The following CRACR2A variants were observed in gnomAD, a reference collection of about 807,000 sequenced individuals.
The protein encoded by CRACR2A is calcium release activated channel regulator 2A.
A neutral mutation model predicts 90.5 loss-of-function variants in CRACR2A; 79 were observed. The observed-to-expected ratio is 0.87, with a 90% confidence interval of 0.73 to 1.05. The LOEUF (loss-of-function observed/expected upper bound fraction) is 1.05, where lower values mean the gene tolerates loss of function less well. Ranked by LOEUF, CRACR2A falls within the 50% of genes least tolerant of loss-of-function variation. The pLI, the probability that CRACR2A is intolerant of heterozygous loss-of-function variation, is 0.00. For missense variants in CRACR2A, 823 were observed against 897.2 expected (o/e 0.92, Z 1.06); for synonymous variants, 338 against 356.7 (o/e 0.95, Z 0.59).
At chr12:3,669,418 C>T (rs1335070826) in intron 7 of CRACR2A, among the ~76,000 whole-genome samples, 2 of 152,186 alleles carry the variant, frequency 1.3e-5, no homozygotes, top group African/African-American at 2.4e-5. Flanking sequence ...TGAAGACCTC[C>T]GCACATCTGC....
At chr12:3,635,687 G>A (rs925237880) in intron 14 of CRACR2A, among the ~76,000 whole-genome samples, 16 of 152,116 alleles carry the variant, frequency 1.1e-4, no homozygotes, top group South Asian at 4.1e-4. Flanking sequence ...CTTATTTTTT[G>A]TAAAGACTGG....
At position 3,654,355 on chromosome 12, in the gene CRACR2A, G is replaced by A. The variant is rs1168096611; in HGVS notation, c.903C>T (p.Thr301=). The A allele has an allele frequency of 1.2e-6, 2 of 1,613,212 alleles. No homozygotes were observed. The highest frequency in any genetic ancestry group is 8.5e-7 in the Non-Finnish European group (1 of 1,179,790). ...GTTTCAGCTTGGTATTCTCAGCCTT[G>A]GTCTCATGCTTGTCATGATGCAGGG... The part of the protein sequence containing the change: ...CTALHHDKHE[T]KAENTKLKLT... Residue 301 remains threonine, a synonymous_variant, in exon 10 of 20, where the codon ACC becomes ACT. Transcript: ENST00000440314.
chr12:3,679,238 G>A, intron 5 of CRACR2A, 140 bp from the exon 6 acceptor site: 1 of 790,344 alleles, frequency 1.3e-6, no homozygotes, highest in South Asian at 2.1e-5. Context: ...AAAGATCCAT[G>A]GACATGGGTC....
intron 13 of CRACR2A, chr12:3,640,369 T>C: frequency 1.9e-6 from 1 of 534,568 alleles, no homozygotes; most frequent in Non-Finnish European, 2.7e-6. Flanking sequence ...ACCTCACACA[T>C]AGTAGACACT....
chr12:3,720,423 GAAAGAAAGAAAGAAAGA>G (rs1946148949), intron 2 of CRACR2A, among the ~76,000 whole-genome samples: 5 of 78,258 alleles, frequency 6.4e-5, no homozygotes, highest in Non-Finnish European at 1.4e-4. Flanking sequence ...GAGGAAGAAA[GAAAGAAAGAAAGAAAGA>G]AAGAAAGAAA....
chr12:3,646,318 C>A (rs1944687106), intron 11 of CRACR2A, among the ~76,000 whole-genome samples: 1 of 152,156 alleles, frequency 6.6e-6, no homozygotes, highest in South Asian at 2.1e-4. Context: ...ACTCTTCTGG[C>A]CAGTGGCCTC....
Position 3,627,538 on chromosome 12 carries a change from G to A in CRACR2A, c.1830C>T (p.Ile610=). 3 of 1,551,628 alleles carry A rather than the reference G, an allele frequency of 1.9e-6. No homozygotes were observed. The highest frequency in any genetic ancestry group is 2.6e-6 in the Non-Finnish European group (3 of 1,146,990). The change falls in exon 17 of 20, where the codon ATC becomes ATT. Residue 610 remains isoleucine, a synonymous_variant. Transcript: ENST00000440314. ...CTGCCTTTCTGAAGAACTGCTGGGT[G>A]ATGCACCGGTACCTGCCACAGAAGG... ...DTAGQERYRC[I]TQQFFRKADG...
intron 8 of CRACR2A, among the ~76,000 whole-genome samples, chr12:3,657,416 T>C (rs537342806): frequency 3.9e-5 from 6 of 152,326 alleles, no homozygotes; most frequent in African/African-American, 1.4e-4. Flanking sequence ...ACGGGTGTCC[T>C]GGCATGACAG....
intron 1 of CRACR2A, among the ~76,000 whole-genome samples, chr12:3,738,671 A>C (rs1424362004): frequency 6.6e-6 from 1 of 152,230 alleles, no homozygotes; most frequent in African/African-American, 2.4e-5. Flanking sequence ...ATCTGTTTGG[A>C]GTTTCAGAAG....
At chr12:3,692,675 C>A (rs1259357896) in intron 4 of CRACR2A, among the ~76,000 whole-genome samples, 1 of 152,126 alleles carries the variant, frequency 6.6e-6, no homozygotes, top group Non-Finnish European at 1.5e-5. Flanking sequence ...GGGGTGCACA[C>A]TTATTGGCTG....
intron 13 of CRACR2A, chr12:3,640,374 G>T: frequency 1.8e-6 from 1 of 564,250 alleles, no homozygotes; most frequent in Non-Finnish European, 2.5e-6. Flanking sequence ...ACACATAGTA[G>T]ACACTCAATA....
intron 1 of CRACR2A, among the ~76,000 whole-genome samples, chr12:3,747,722 T>C (rs973767541): frequency 1.3e-5 from 2 of 152,202 alleles, no homozygotes; most frequent in Non-Finnish European, 2.9e-5. Flanking sequence ...TAAAGGAAGC[T>C]GTCTGGCCAG....
At chr12:3,696,343 A>G (rs1021308699) in intron 4 of CRACR2A, among the ~76,000 whole-genome samples, 1 of 152,262 alleles carries the variant, frequency 6.6e-6, no homozygotes. Context: ...AAGGCGAGAC[A>G]TGGGTAAAAT....
At chr12:3,733,579 G>T (rs1946395137) in intron 1 of CRACR2A, among the ~76,000 whole-genome samples, 1 of 152,104 alleles carries the variant, frequency 6.6e-6, no homozygotes, top group African/African-American at 2.4e-5. Flanking sequence ...TGCAACTTCT[G>T]CAGCCACTTT....
At chr12:3,718,020 T>A (rs563998828) in intron 2 of CRACR2A, among the ~76,000 whole-genome samples, 2 of 152,298 alleles carry the variant, frequency 1.3e-5, no homozygotes, top group Non-Finnish European at 2.9e-5. Flanking sequence ...GCTCTGCCAC[T>A]TCCTACCTGT....
At chr12:3,689,089 T>C (rs977306966) in intron 4 of CRACR2A, among the ~76,000 whole-genome samples, 5 of 152,202 alleles carry the variant, frequency 3.3e-5, no homozygotes, top group Non-Finnish European at 7.3e-5. Context: ...AGGGAGCTTT[T>C]GGGCTGAGAC....
At chr12:3,725,430 C>G (rs1027100088) in intron 2 of CRACR2A, among the ~76,000 whole-genome samples, 8 of 152,088 alleles carry the variant, frequency 5.3e-5, no homozygotes, top group African/African-American at 1.9e-4. Context: ...CCTCATTTGG[C>G]CTTCTTCTCT....
intron 19 of CRACR2A, among the ~76,000 whole-genome samples, chr12:3,616,631 A>G (rs1321264561): frequency 1.3e-5 from 2 of 152,216 alleles, no homozygotes; most frequent in Non-Finnish European, 2.9e-5. Flanking sequence ...GGGGCCTCTG[A>G]TCTGGCCTTC....
chr12:3,628,772 G>T (rs1944325521), intron 15 of CRACR2A, among the ~76,000 whole-genome samples: 3 of 152,186 alleles, frequency 2.0e-5, no homozygotes. Flanking sequence ...CCTCTGGAGG[G>T]CTCAGGAAGA....
Sources: gnomAD v4.1 joint callset for allele counts (sites outside exome capture counted in the v4.1 genomes callset) on GRCh38, gnomAD v4.1.1 for gene constraint, MANE v1.5 for transcripts, NCBI Gene and HGNC (gene_info 2026-07-23, HGNC 2026-07-21) for gene names.